The following LOXHD1 variants were observed in gnomAD, a reference collection of about 807,000 sequenced individuals.
LOXHD1 encodes the protein lipoxygenase homology PLAT domains 1.
A neutral mutation model predicts 248.2 loss-of-function variants in LOXHD1; 205 were observed. The observed-to-expected ratio is 0.83, with a 90% CI of 0.74 to 0.93. The LOEUF (loss-of-function observed/expected upper bound fraction) is 0.93, where lower values mean the gene tolerates loss of function less well. LOXHD1 is among the 40% of genes least tolerant of loss of function. The pLI, the probability that LOXHD1 is intolerant of heterozygous loss-of-function variation, is 0.00. For synonymous variants in LOXHD1, 1,113 were observed against 1,162.8 expected (o/e 0.96, Z 0.87); for missense variants, 2,930 against 2,971.6 (o/e 0.99, Z 0.33).
rs1296050285 is a variant in LOXHD1, at chr18:46,592,599, A to G, written c.1432-15T>C. ...GGGAGCTCAATCTATGGTGAGAAATAAAAACATTTGAGTGGGCATAACTGA... is the reference window on the plus strand; with the variant it reads ...GGGAGCTCAATCTATGGTGAGAAATGAAAACATTTGAGTGGGCATAACTGA... On this transcript the variant is annotated splice_polypyrimidine_tract_variant and intron_variant, in intron 10 of 40. Coordinates refer to ENST00000642948, the MANE Select transcript of LOXHD1 (RefSeq NM_001384474.1). 1.3e-6 allele frequency: 2 copies of G among 1,546,472 alleles called. No individual in the cohort carries two copies. Among genetic ancestry groups the G allele is most frequent in the Non-Finnish European group, 8.8e-7 (1 of 1,142,276 alleles).
intron 4 of LOXHD1, among the ~76,000 whole-genome samples, chr18:46,633,351 G>A (rs1367030072): frequency 3.3e-5 from 5 of 152,142 alleles, no homozygotes; most frequent in Admixed American, 1.3e-4. Context: ...TTCAACAGGG[G>A]TGCCAAAACT....
chr18:46,588,774 C>T (rs1078174), intron 12 of LOXHD1, among the ~76,000 whole-genome samples: 38,620 of 152,104 alleles, frequency 0.25, 5,405 homozygotes, highest in South Asian at 0.33. Context: ...TCTTTTCCTC[C>T]CCACTGGAGG....
chr18:46,496,455 C>T (rs62097062), intron 37 of LOXHD1, among the ~76,000 whole-genome samples: 2,169 of 152,180 alleles, frequency 0.014, 28 homozygotes, highest in Non-Finnish European at 0.023. Flanking sequence ...GTAGAAGACT[C>T]TCAAACAAAA....
intron 37 of LOXHD1, among the ~76,000 whole-genome samples, chr18:46,497,657 A>C (rs1028155176): frequency 1.3e-5 from 2 of 152,210 alleles, no homozygotes; most frequent in African/African-American, 4.8e-5. Context: ...ATTAAATTTT[A>C]TAAAAATATA....
rs552955487 is a variant in LOXHD1, at chr18:46,560,131, T to G, written c.3013A>C (p.Asn1005His). The G allele has an allele frequency of 1.1e-4, 168 of 1,527,284 alleles. No homozygotes were observed. The highest frequency in any genetic ancestry group is 5.3e-4 in the African/African-American group (38 of 71,872). 94.6% of individuals were successfully genotyped at this position (1,527,284 alleles called of 1,614,324 possible). The part of the protein sequence containing the change: ...HRWLARGKED[N>H]ELVVELVPAG... Reference sequence around the variant, plus strand: ...GGCACCAACTCCACGACAAGTTCGTTGTCCTCCTTGCCCCGGGCCAGCCAG... The same window carrying G: ...GGCACCAACTCCACGACAAGTTCGTGGTCCTCCTTGCCCCGGGCCAGCCAG... The change falls in exon 19 of 41, where the codon AAC (asparagine) becomes CAC (histidine). Residue 1005 changes from asparagine to histidine, a missense_variant. Physicochemically the swap from Asn to His is moderately conservative, Grantham distance 68. Coordinates refer to ENST00000642948, the MANE Select transcript of LOXHD1 (RefSeq NM_001384474.1).
chr18:46,560,948 C>A (rs573107075), intron 18 of LOXHD1, among the ~76,000 whole-genome samples: 2 of 152,308 alleles, frequency 1.3e-5, no homozygotes, highest in South Asian at 2.1e-4. Flanking sequence ...CCTCTACTTG[C>A]AGCTAAAATC....
At chr18:46,636,158 C>A (rs1249312027) in intron 4 of LOXHD1, among the ~76,000 whole-genome samples, 2 of 152,208 alleles carry the variant, frequency 1.3e-5, no homozygotes, top group African/African-American at 4.8e-5. Flanking sequence ...CTTTCATCAT[C>A]TCTACCTTCT....
chr18:46,553,561 T>C (rs2037195405), intron 21 of LOXHD1, among the ~76,000 whole-genome samples: 1 of 152,248 alleles, frequency 6.6e-6, no homozygotes, highest in South Asian at 2.1e-4. Flanking sequence ...TCATTTTTAC[T>C]CATTAGTGTA....
At chr18:46,542,650 T>G in intron 24 of LOXHD1, 77 bp downstream of exon 24, 1 of 1,517,020 alleles carries the variant, frequency 6.6e-7, no homozygotes, top group Non-Finnish European at 8.9e-7. Flanking sequence ...ATTTCCAGAA[T>G]CTTTCCCAGA....
rs192520587 is a variant in LOXHD1, at chr18:46,563,527, G to A, written c.2438-302C>T. Among the ~76,000 whole-genome samples the A allele has an allele frequency of 2.2e-3, 335 of 152,228 alleles. 2 individuals are homozygous for A. The highest frequency in any genetic ancestry group is 6.8e-3 in the Middle Eastern group (2 of 294). On this transcript the variant is annotated intron_variant, in intron 17 of 40. Coordinates refer to ENST00000642948, the MANE Select transcript of LOXHD1 (RefSeq NM_001384474.1). ...GAGGAGGAGTCACATACCAGCTGGC[G>A]ATCCCTGCTGTGTGCCTGCCTGCTA...
At chr18:46,615,587 T>C (rs755166548) in intron 5 of LOXHD1, among the ~76,000 whole-genome samples, 3 of 152,238 alleles carry the variant, frequency 2.0e-5, no homozygotes, top group Admixed American at 6.5e-5. Context: ...CCCTATATTA[T>C]TGATTCATTT....
At chr18:46,557,571 G>A (rs1248019584) in intron 20 of LOXHD1, 82 bp from the exon 21 acceptor site, 1 of 1,520,466 alleles carries the variant, frequency 6.6e-7, no homozygotes, top group Admixed American at 2.0e-5. Flanking sequence ...CCAAGAACCA[G>A]GGCAGCCAGC....
At chr18:46,487,170 T>C (rs116218260) in intron 38 of LOXHD1, among the ~76,000 whole-genome samples, 128 of 152,152 alleles carry the variant, frequency 8.4e-4, no homozygotes, top group African/African-American at 2.7e-3. Flanking sequence ...CACATGGAAG[T>C]CACTAGCATA....
At chr18:46,513,653 G>A (rs2035094468) in intron 34 of LOXHD1, among the ~76,000 whole-genome samples, 1 of 152,228 alleles carries the variant, frequency 6.6e-6, no homozygotes. Context: ...CTCTCCCAGA[G>A]CCTGCAGGGC....
chr18:46,560,886 G>C (rs1267290198), intron 18 of LOXHD1, among the ~76,000 whole-genome samples: 3 of 151,976 alleles, frequency 2.0e-5, no homozygotes, highest in Admixed American at 1.3e-4. Flanking sequence ...TATGATTTCT[G>C]TCCCTATCAT....
In LOXHD1 at chr18:46,614,545, A is replaced by T. The variant is rs559147340; in HGVS notation, c.611-3621T>A. Among the ~76,000 whole-genome samples, 32 of 152,230 alleles carry T rather than the reference A, an allele frequency of 2.1e-4. No homozygotes were observed. The South Asian group carries it at 6.6e-3, about 32-fold the overall frequency. ...GAGAACACTTGGACACAGGGTGGGG[A>T]ACATCACATACTGGGGCCTGTCATG... On this transcript the variant is annotated intron_variant, in intron 5 of 40. Coordinates refer to ENST00000642948, the MANE Select transcript of LOXHD1 (RefSeq NM_001384474.1).
chr18:46,570,291 G>T (rs2037727323), intron 15 of LOXHD1, among the ~76,000 whole-genome samples: 1 of 152,218 alleles, frequency 6.6e-6, no homozygotes, highest in African/African-American at 2.4e-5. Flanking sequence ...CGAGGAAAAG[G>T]TGAGTCCTGG....
At chr18:46,591,869 G>A (rs1369933776) in intron 12 of LOXHD1, 64 bp downstream of exon 12, 1 of 1,539,582 alleles carries the variant, frequency 6.5e-7, no homozygotes, top group Admixed American at 2.0e-5. Flanking sequence ...CATAGGTCAG[G>A]CCCATCGGGA....
chr18:46,614,059 T>A lies in LOXHD1; in HGVS notation c.611-3135A>T, dbSNP rs532238075. On this transcript the variant is annotated intron_variant, in intron 5 of 40. Transcript: ENST00000642948. ...AGTTAGAATGGTGATCATTAAAAAG[T>A]CAGGAAACAACAAGTGCTGGAGAGG... Among the ~76,000 whole-genome samples, 374 of 152,216 alleles carry A rather than the reference T, an allele frequency of 2.5e-3. 1 individual carries two copies. The highest frequency in any genetic ancestry group is 8.6e-3 in the African/African-American group (359 of 41,524).
Sources: allele counts gnomAD v4.1 joint callset (sites outside exome capture counted in the v4.1 genomes callset), GRCh38; gene constraint gnomAD v4.1.1; transcripts MANE v1.5; gene names NCBI Gene and HGNC (gene_info 2026-07-23, HGNC 2026-07-21).